PSD4: variants seen among roughly 807,000 people sequenced by gnomAD.
The protein encoded by PSD4 is pleckstrin and Sec7 domain containing 4.
Under a neutral mutation model 112.5 loss-of-function variants are expected in PSD4, and 59 were observed. The observed-to-expected ratio is 0.52, with a 90% CI of 0.43 to 0.65. The LOEUF is 0.65. Ranked by LOEUF, PSD4 falls within the 30% of genes least tolerant of loss-of-function variation. The pLI is 0.00. For missense variants in PSD4, 1,267 were observed against 1,352.6 expected (o/e 0.94, Z 0.99); for synonymous variants, 533 against 540.0 (o/e 0.99, Z 0.18).
At chr2:113,180,477 G>C (rs1435979656) in intron 1 of PSD4, among the ~76,000 whole-genome samples, 1 of 152,190 alleles carries the variant, frequency 6.6e-6, no homozygotes, top group Non-Finnish European at 1.5e-5. Flanking sequence ...CTGCCTGTGG[G>C]AGGATCTCAG....
At chr2:113,195,040 G>T (rs1463471760) in intron 10 of PSD4, among the ~76,000 whole-genome samples, 18 of 152,194 alleles carry the variant, frequency 1.2e-4, no homozygotes, top group Non-Finnish European at 2.2e-4. Flanking sequence ...TGGTCAGCCA[G>T]TTTCTTCTCC....
chr2:113,201,247 G>A lies in PSD4; in HGVS notation c.3003G>A (p.Gly1001=), dbSNP rs1274472097. The change falls in exon 17 of 17, where the codon GGG becomes GGA. Residue 1001 remains glycine (G), a synonymous_variant. Coordinates refer to ENST00000245796, the MANE Select transcript of PSD4 (RefSeq NM_012455.3). ...DALDLWEEQL[G]REAGGTREPK... is the part of the protein sequence containing the mutation. ...TGGACCTGTGGGAGGAGCAGCTGGGGAGGGAAGCTGGAGGCACTCGGGAGC... is the reference window on the plus strand; with the variant it reads ...TGGACCTGTGGGAGGAGCAGCTGGGAAGGGAAGCTGGAGGCACTCGGGAGC... The A allele has an allele frequency of 1.2e-6, 2 of 1,614,170 alleles. No homozygotes were observed. Among genetic ancestry groups the A allele is most frequent in the South Asian group, 2.2e-5 (2 of 91,082 alleles).
At position 113,192,363 on chromosome 2, in the gene PSD4, T is replaced by C. The variant is rs753253092; in HGVS notation, c.1629-17T>C. The C allele has an allele frequency of 2.5e-6, 4 of 1,612,018 alleles. No homozygotes were observed. Among genetic ancestry groups the C allele is most frequent in the Admixed American group, 1.7e-5 (1 of 60,016 alleles). ...GCAAGAACACTTGACCCAGAGCTCC[T>C]GCATGTCTATCTCAAGTGAGAATCT... is the stretch of plus-strand genomic sequence containing the variant. On this transcript the variant is annotated splice_polypyrimidine_tract_variant and intron_variant, in intron 5 of 16. Coordinates refer to ENST00000245796, the MANE Select transcript of PSD4 (RefSeq NM_012455.3).
chr2:113,184,764 C>T (rs1284957454), intron 2 of PSD4, among the ~76,000 whole-genome samples, 193 bp from the exon 3 acceptor site: 1 of 152,174 alleles, frequency 6.6e-6, no homozygotes, highest in Non-Finnish European at 1.5e-5. Context: ...AGAGCCCACC[C>T]AGCCCAGTGC....
intron 4 of PSD4, 76 bp downstream of exon 4, chr2:113,185,516 C>T: frequency 1.2e-6 from 2 of 1,611,114 alleles, no homozygotes; most frequent in Non-Finnish European, 8.5e-7. Flanking sequence ...AAAGATCATT[C>T]TTGGATCCAT....
At chr2:113,200,742 G>A (rs1573381386) in intron 16 of PSD4, among the ~76,000 whole-genome samples, 1 of 152,214 alleles carries the variant, frequency 6.6e-6, no homozygotes, top group African/African-American at 2.4e-5. Context: ...AGGGTAGTTA[G>A]CATCATGCTC....
chr2:113,191,336 C>T (rs45627132), intron 5 of PSD4, among the ~76,000 whole-genome samples: 15,887 of 152,216 alleles, frequency 0.1, 947 homozygotes, highest in Non-Finnish European at 0.14. Context: ...TGTGCAGTGT[C>T]ACAATATCAG....
chr2:113,201,194 G>A lies in PSD4; in HGVS notation c.2950G>A (p.Ala984Thr), dbSNP rs1402019578. 2 of 1,613,456 alleles carry A rather than the reference G, an allele frequency of 1.2e-6. No homozygotes were observed. Among genetic ancestry groups the A allele is most frequent in the Non-Finnish European group, 1.7e-6 (2 of 1,179,480 alleles). The part of the protein sequence containing the change: ...RYETYVQLLV[A>T]RLHCPSDALD... ...CGAGACCTACGTGCAGCTGCTGGTG[G>A]CCCGCCTGCACTGCCCCTCTGATGC... The change falls in exon 17 of 17, where the codon GCC becomes ACC. Residue 984 changes from alanine to threonine, a missense_variant. Ala to Thr is a moderately conservative substitution (Grantham distance 58, BLOSUM62 0). Coordinates refer to ENST00000245796, the MANE Select transcript of PSD4 (RefSeq NM_012455.3).
rs1003832817 is a variant in PSD4, at chr2:113,193,535, G to A, written c.2033-57G>A. The stretch of plus-strand genomic sequence containing the variant: ...GTTACCCCACGCAGTGTGGGCAGAG[G>A]AAACAGGAGCCCTGGTTCCAATGAG... On this transcript the variant is annotated intron_variant, in intron 8 of 16. Coordinates refer to ENST00000245796, the MANE Select transcript of PSD4 (RefSeq NM_012455.3). The A allele has an allele frequency of 2.7e-5, 42 of 1,572,182 alleles. No individual in the cohort carries two copies. The East Asian group carries it at 8.7e-4, about 33-fold the overall frequency.
intron 1 of PSD4, among the ~76,000 whole-genome samples, chr2:113,181,063 CA>C (rs10566378): frequency 0.21 from 29,503 of 141,650 alleles, 3,232 homozygotes; most frequent in East Asian, 0.53. Context: ...ACTAGAAATA[CA>C]AAAAAAAAAA....
chr2:113,193,547 C>A (rs373672717), intron 8 of PSD4, 45 bp from the exon 9 acceptor site: 3 of 1,585,896 alleles, frequency 1.9e-6, no homozygotes, highest in Non-Finnish European at 2.6e-6. Flanking sequence ...AACAGGAGCC[C>A]TGGTTCCAAT....
At chr2:113,184,312 G>C (rs1478683651) in intron 2 of PSD4, among the ~76,000 whole-genome samples, 5 of 152,114 alleles carry the variant, frequency 3.3e-5, no homozygotes, top group African/African-American at 1.2e-4. Context: ...CTCCACCATG[G>C]GCCAGGGCCC....
chr2:113,198,357 C>T (rs1688670568), intron 14 of PSD4, among the ~76,000 whole-genome samples: 1 of 152,218 alleles, frequency 6.6e-6, no homozygotes, highest in Admixed American at 6.5e-5. Context: ...CTGCAACCGC[C>T]GCCTCCCGGG....
intron 3 of PSD4, 120 bp downstream of exon 3, chr2:113,185,193 C>A: frequency 6.4e-7 from 1 of 1,564,334 alleles, no homozygotes; most frequent in Non-Finnish European, 8.7e-7. Flanking sequence ...CACATCAGGA[C>A]TCCCCTTCTG....
In PSD4 at chr2:113,198,888, C is replaced by T. The variant is rs966983785; in HGVS notation, c.2769+4C>T. On this transcript the variant is annotated splice_donor_region_variant and intron_variant, in intron 15 of 16. Transcript: ENST00000245796. ...GGGCCCCGCCCAGAGCTCCCTGGTACGGCCTCCGGGAAGGGGTGGGGTCCG... is the reference window on the plus strand; with the variant it reads ...GGGCCCCGCCCAGAGCTCCCTGGTATGGCCTCCGGGAAGGGGTGGGGTCCG... 5 of 1,578,414 alleles carry T rather than the reference C, an allele frequency of 3.2e-6. No individual in the cohort carries two copies. The African/African-American group carries it at 4.0e-5, about 13-fold the overall frequency.
chr2:113,178,493 C>T, intron 1 of PSD4, among the ~76,000 whole-genome samples: 1 of 151,472 alleles, frequency 6.6e-6, no homozygotes, highest in Non-Finnish European at 1.5e-5. Context: ...GTCCAATCCT[C>T]ACTTGTATCT....
At chr2:113,185,738 A>T (rs1688279870) in intron 4 of PSD4, 139 bp from the exon 5 acceptor site, 5 of 1,549,600 alleles carry the variant, frequency 3.2e-6, no homozygotes, top group Non-Finnish European at 4.4e-6. Flanking sequence ...CAAGTGGGAG[A>T]GGTCACTGCC....
chr2:113,179,034 A>G (rs1397107368), intron 1 of PSD4, among the ~76,000 whole-genome samples: 8 of 152,130 alleles, frequency 5.3e-5, no homozygotes, highest in Admixed American at 5.2e-4. Flanking sequence ...GTCATTTATT[A>G]TACCCCATGG....
intron 16 of PSD4, among the ~76,000 whole-genome samples, chr2:113,199,578 T>C (rs1394123209): frequency 6.6e-6 from 1 of 150,452 alleles, no homozygotes; most frequent in East Asian, 1.9e-4. Flanking sequence ...AAGGGAAAAC[T>C]GTATTTCAGC....
Sources: gnomAD v4.1 joint callset for allele counts (sites outside exome capture counted in the v4.1 genomes callset) on GRCh38, gnomAD v4.1.1 for gene constraint, MANE v1.5 for transcripts, NCBI Gene and HGNC (gene_info 2026-07-23, HGNC 2026-07-21) for gene names.